The following OR51B5 variants were observed in gnomAD, a reference collection of about 807,000 sequenced individuals.
OR51B5 encodes olfactory receptor 51B5.
For synonymous variants in OR51B5, 186 were observed against 144.8 expected, an observed-to-expected ratio of 1.28 and a Z score of -2.04; for missense variants, 456 against 374.6, an observed-to-expected ratio of 1.22 and a Z score of -1.79.
rs527688089 is a variant in OR51B5, at chr11:5,453,455, C to G, written n.84+52114G>C. 4 of 1,455,070 alleles carry G rather than the reference C, an allele frequency of 2.7e-6. No individual in the cohort carries two copies. The East Asian group carries it at 7.0e-5, about 25-fold the overall frequency. 90.1% of individuals were successfully genotyped at this position (1,455,070 alleles called of 1,614,324 possible). The stretch of plus-strand genomic sequence containing the variant: ...GTTAGAATTCTCCAAGTCAGAAGAT[C>G]TGACTCTGAAAAGTACCCTAAGTTT... On this transcript the variant is annotated intron_variant and non_coding_transcript_variant, in intron 1 of 4. Coordinates refer to the OR51B5 transcript ENST00000415970.
At chr11:5,487,703 G>T (rs564080034) in intron 1 of OR51B5, among the ~76,000 whole-genome samples, 2 of 152,236 alleles carry the variant, frequency 1.3e-5, no homozygotes, top group East Asian at 3.9e-4. Flanking sequence ...GGTAAATCCA[G>T]AATACCTCAC....
At chr11:5,413,618 G>C (rs532065299) in intron 1 of OR51B5, among the ~76,000 whole-genome samples, 16 of 152,148 alleles carry the variant, frequency 1.1e-4, no homozygotes, top group Non-Finnish European at 1.8e-4. Flanking sequence ...GCCAAGGCTC[G>C]AGAACGATGT....
chr11:5,440,916 T>C, intron 1 of OR51B5: 1 of 1,613,824 alleles, frequency 6.2e-7, no homozygotes, highest in Non-Finnish European at 8.5e-7. Context: ...CAAGAGCCCA[T>C]AAATGTTGTT....
chr11:5,387,437 T>G (rs905478497), intron 1 of OR51B5, among the ~76,000 whole-genome samples: 13 of 152,134 alleles, frequency 8.5e-5, no homozygotes, highest in African/African-American at 2.9e-4. Context: ...AGTAAAGAAA[T>G]GGAAAAGATA....
At chr11:5,442,330 A>T (rs1850701867) in intron 1 of OR51B5, among the ~76,000 whole-genome samples, 1 of 152,182 alleles carries the variant, frequency 6.6e-6, no homozygotes, top group Admixed American at 6.5e-5. Flanking sequence ...TTTTAAACTT[A>T]TACACACCTT....
At chr11:5,480,201 T>A (rs1321603448) in intron 1 of OR51B5, among the ~76,000 whole-genome samples, 1 of 150,424 alleles carries the variant, frequency 6.6e-6, no homozygotes, top group African/African-American at 2.4e-5. Flanking sequence ...GGATTAAGAA[T>A]CTCACTCAAA....
chr11:5,436,263 G>A (rs1389270501), intron 1 of OR51B5, among the ~76,000 whole-genome samples: 1 of 152,152 alleles, frequency 6.6e-6, no homozygotes, highest in Non-Finnish European at 1.5e-5. Context: ...ACAGTCTGGG[G>A]TTCATGTAAG....
chr11:5,353,419 G>A (rs1849134368), intron 1 of OR51B5, among the ~76,000 whole-genome samples: 1 of 152,148 alleles, frequency 6.6e-6, no homozygotes, highest in East Asian at 1.9e-4. Context: ...ACTAGATAGG[G>A]GTGTCTGGCA....
At chr11:5,377,718 CAA>C (rs1161859389) in intron 1 of OR51B5, among the ~76,000 whole-genome samples, 1 of 151,936 alleles carries the variant, frequency 6.6e-6, no homozygotes, top group Non-Finnish European at 1.5e-5. Flanking sequence ...ACAATTGCTT[CAA>C]AGAGAATAAA....
chr11:5,501,186 T>C (rs1158074160), intron 1 of OR51B5, among the ~76,000 whole-genome samples: 2 of 147,658 alleles, frequency 1.4e-5, no homozygotes, highest in Non-Finnish European at 3.0e-5. Context: ...CTGACTTGCC[T>C]GATACAGATT....
chr11:5,368,460 T>TGC (rs1554935508), intron 1 of OR51B5, among the ~76,000 whole-genome samples: 35,991 of 151,988 alleles, frequency 0.24, 4,481 homozygotes, highest in Non-Finnish European at 0.26. Flanking sequence ...ATAGAAATCA[T>TGC]TGCTATTATT....
chr11:5,398,798 G>A (rs1849922097), intron 1 of OR51B5, among the ~76,000 whole-genome samples: 1 of 152,126 alleles, frequency 6.6e-6, no homozygotes, highest in South Asian at 2.1e-4. Flanking sequence ...CAAGTAAGAT[G>A]TGCCTGCTTC....
chr11:5,373,892 T>G (rs7113977), intron 1 of OR51B5, among the ~76,000 whole-genome samples: 2 of 151,192 alleles, frequency 1.3e-5, no homozygotes, highest in African/African-American at 4.9e-5. Flanking sequence ...GGCTCCACCT[T>G]TGGGGGCAGG....
chr11:5,493,652 CTG>C (rs1851608738), intron 1 of OR51B5, among the ~76,000 whole-genome samples: 1 of 152,210 alleles, frequency 6.6e-6, no homozygotes, highest in African/African-American at 2.4e-5. Flanking sequence ...CTCCAAAGAA[CTG>C]TGTTGACCAC....
At chr11:5,438,285 G>C (rs1850619500) in intron 1 of OR51B5, among the ~76,000 whole-genome samples, 1 of 151,910 alleles carries the variant, frequency 6.6e-6, no homozygotes, top group South Asian at 2.1e-4. Context: ...TCTCCACTGA[G>C]AAAATGAAAT....
At chr11:5,473,733 A>G (rs2133802884) in intron 1 of OR51B5, among the ~76,000 whole-genome samples, 1 of 152,324 alleles carries the variant, frequency 6.6e-6, no homozygotes, top group South Asian at 2.1e-4. Flanking sequence ...ATATGTGTGT[A>G]ATATTTGATG....
chr11:5,434,742 A>G (rs1420929169), intron 1 of OR51B5, among the ~76,000 whole-genome samples: 1 of 152,134 alleles, frequency 6.6e-6, no homozygotes, highest in Non-Finnish European at 1.5e-5. Context: ...CAGAGGGGCA[A>G]TTTCTTCACT....
intron 1 of OR51B5, among the ~76,000 whole-genome samples, chr11:5,407,244 T>G (rs1343935320): frequency 6.6e-6 from 1 of 152,190 alleles, no homozygotes; most frequent in Non-Finnish European, 1.5e-5. Flanking sequence ...CTATGAATAT[T>G]CTATGCCAAT....
chr11:5,376,751 C>T (rs966117766), intron 1 of OR51B5, among the ~76,000 whole-genome samples: 1 of 151,816 alleles, frequency 6.6e-6, no homozygotes, highest in African/African-American at 2.4e-5. Flanking sequence ...TATCCCAAGA[C>T]TAAACCAGGA....
Sources: allele counts gnomAD v4.1 joint callset (sites outside exome capture counted in the v4.1 genomes callset), GRCh38; gene constraint gnomAD v4.1.1; transcripts MANE v1.5; gene names NCBI Gene and HGNC (gene_info 2026-07-23, HGNC 2026-07-21).